BAZ2A: variants seen among roughly 807,000 people sequenced by gnomAD.
BAZ2A encodes bromodomain adjacent to zinc finger domain protein 2A.
Under a neutral mutation model 199.9 loss-of-function variants are expected in BAZ2A, and 34 were observed. The ratio of observed to expected loss-of-function variants is 0.17; its 90% CI spans 0.13 to 0.23. The LOEUF (loss-of-function observed/expected upper bound fraction) is 0.23, where lower values mean the gene tolerates loss of function less well. Ranked by LOEUF, BAZ2A falls within the 10% of genes least tolerant of loss-of-function variation. The pLI is 1.00. For missense variants in BAZ2A, 2,002 were observed against 2,391.1 expected (o/e 0.84, Z 3.39); for synonymous variants, 857 against 883.9 (o/e 0.97, Z 0.54).
At chr12:56,633,563 A>C (rs767953714), upstream of BAZ2A, among the ~76,000 whole-genome samples, 25 of 152,096 alleles carry the variant, frequency 1.6e-4, no homozygotes, top group Non-Finnish European at 3.7e-4. Flanking sequence ...TCATACTGTT[A>C]ACAGGATCTG....
intron 3 of BAZ2A, 106 bp from the exon 4 acceptor site, chr12:56,614,244 A>G (rs1441687141): frequency 1.7e-6 from 2 of 1,194,510 alleles, no homozygotes; most frequent in Non-Finnish European, 2.4e-6. Context: ...CATTCATTCA[A>G]CATTTATTGC....
chr12:56,630,334 AG>A, upstream of BAZ2A: 1 of 971,428 alleles, frequency 1.0e-6, no homozygotes. Flanking sequence ...AGTGAGTCGG[AG>A]CCGGAGGGGG....
intron 1 of BAZ2A, chr12:56,636,054 C>T (rs1592640654): frequency 1.7e-6 from 2 of 1,172,888 alleles, no homozygotes; most frequent in Non-Finnish European, 2.4e-6. Flanking sequence ...TGCCCCCCGT[C>T]CCCCAGAGTC....
intron 1 of BAZ2A, chr12:56,621,050 A>C: frequency 1.0e-6 from 1 of 985,082 alleles, no homozygotes; most frequent in Non-Finnish European, 1.2e-6. Flanking sequence ...GAAGTCCTGG[A>C]AATACTATGC....
At position 56,605,976 on chromosome 12, in the gene BAZ2A, T is replaced by C. The variant is rs373207516; in HGVS notation, c.2347A>G (p.Lys783Glu). 7 of 1,551,792 alleles carry C rather than the reference T, an allele frequency of 4.5e-6. No homozygotes were observed. In the African/African-American group the frequency reaches 9.7e-5, roughly 21 times the overall value. Residue 783 changes from lysine to glutamate, a missense_variant, in exon 13 of 29, where the codon AAG becomes GAG. Around this residue, in one of 6 missense-constraint regions of BAZ2A, gnomAD observed 1,081 missense variants for 1,274.7 expected, o/e 0.85. Coordinates refer to ENST00000549884, the MANE Select transcript of BAZ2A (RefSeq NM_001300905.2). ...GGCTTGGCTTTGGTCACCTCCTCCT[T>C]TTCCTTCATTTTTACCTTCTCCTTC... ...EKKEKVKMKE[K>E]EEVTKAKPAC...
intron 1 of BAZ2A, among the ~76,000 whole-genome samples, chr12:56,618,809 G>T (rs1168686200): frequency 1.3e-5 from 2 of 152,034 alleles, no homozygotes; most frequent in African/African-American, 2.4e-5. Context: ...GGCAGAGGTT[G>T]CAGTGAGCTG....
intron 11 of BAZ2A, 84 bp downstream of exon 11, chr12:56,606,549 G>C: frequency 7.3e-7 from 1 of 1,366,222 alleles, no homozygotes; most frequent in South Asian, 1.2e-5. Context: ...CACAGGGAGT[G>C]ACGGATGTGG....
intron 13 of BAZ2A, 93 bp downstream of exon 13, chr12:56,605,737 T>C (rs1470583426): frequency 1.1e-5 from 15 of 1,324,144 alleles, no homozygotes; most frequent in African/African-American, 7.5e-5. Flanking sequence ...TAATCTTTAA[T>C]GGAAATGTCT....
intron 3 of BAZ2A, 166 bp from the exon 4 acceptor site, chr12:56,614,304 A>AC: frequency 1.5e-6 from 1 of 655,130 alleles, no homozygotes; most frequent in South Asian, 2.3e-5. Context: ...CTGAGCAGAG[A>AC]TGTGCTGGTA....
At chr12:56,634,970 G>C, upstream of BAZ2A, 3 of 984,896 alleles carry the variant, frequency 3.0e-6, no homozygotes, top group Non-Finnish European at 3.6e-6. Context: ...GCCGCAGGCG[G>C]CGGCGGCGGC....
intron 10 of BAZ2A, among the ~76,000 whole-genome samples, chr12:56,609,168 G>A (rs1172266656): frequency 6.6e-6 from 1 of 152,012 alleles, no homozygotes; most frequent in Non-Finnish European, 1.5e-5. Context: ...GTGAGACACT[G>A]TGCCCGGCCT....
Position 56,606,010 on chromosome 12 carries a change from C to G in BAZ2A, c.2313G>C (p.Lys771Asn). ...TKQEKLKEKV[K>N]REKKEKVKMK... ...TTTTTACCTTCTCCTTCTTTTCCCT[C>G]TTGACTTTTTCCTTCAGTTTTTCCT... Residue 771 changes from lysine (K) to asparagine (N), a missense_variant, in exon 13 of 29, where the codon AAG (lysine) becomes AAC (asparagine). By Grantham distance (94) the Lys-to-Asn change is moderately conservative (BLOSUM62 0). Around this residue, in one of 6 missense-constraint regions of BAZ2A, gnomAD observed 1,081 missense variants for 1,274.7 expected, o/e 0.85. Transcript: ENST00000549884. 6.4e-7 allele frequency: 1 copy of G among 1,552,024 alleles called. No individual in the cohort carries two copies. The highest frequency in any genetic ancestry group is 1.4e-5 in the African/African-American group (1 of 73,122).
In BAZ2A at chr12:56,600,425, G is replaced by A; in HGVS notation, c.4668C>T (p.Asp1556=). The A allele has an allele frequency of 6.2e-7, 1 of 1,614,012 alleles. No homozygotes were observed. The highest frequency in any genetic ancestry group is 8.5e-7 in the Non-Finnish European group (1 of 1,179,904). The part of the protein sequence containing the change: ...EDLAYCEHLS[D]SQEDITWRGR... ...CTCGCCAGGTGATATCCTCCTGGGAGTCGGAGAGGTGCTCACAGTAGGCCA... is the reference window on the plus strand; with the variant it reads ...CTCGCCAGGTGATATCCTCCTGGGAATCGGAGAGGTGCTCACAGTAGGCCA... Residue 1556 remains aspartate (D), a synonymous_variant, in exon 24 of 29, where the codon GAC becomes GAT. Transcript: ENST00000549884.
At chr12:56,622,993 T>C (rs113531375) in intron 1 of BAZ2A, among the ~76,000 whole-genome samples, 1,784 of 151,806 alleles carry the variant, frequency 0.012, 39 homozygotes, top group African/African-American at 0.041. Context: ...TCCCAGCACT[T>C]TGGGAGGCCG....
rs2136662327 is a variant in BAZ2A at position 56,596,917 on chromosome 12, T to C, written c.*1701A>G. 6.6e-6 allele frequency: 1 copy of C among 152,630 alleles called. No homozygotes were observed. The highest frequency in any genetic ancestry group is 1.9e-4 in the East Asian group (1 of 5,148). The allele number at this position is 152,630 out of a possible 1,614,324, so 9.5% of individuals were successfully genotyped here. On this transcript the variant is annotated 3_prime_UTR_variant, in exon 29 of 29. Transcript: ENST00000549884. ...CTGCCCCTACCCCCTTCAGTGGCTC[T>C]TCAGTGCTGCCAGAATACAAGGAAT...
At chr12:56,625,054 A>G (rs1951037037) in intron 1 of BAZ2A, among the ~76,000 whole-genome samples, 1 of 152,054 alleles carries the variant, frequency 6.6e-6, no homozygotes, top group African/African-American at 2.4e-5. Flanking sequence ...CTCTCAGAAG[A>G]CCAGGAATGC....
Position 56,614,151 on chromosome 12 carries a change from AG to A in BAZ2A, c.731-14del. On this transcript the variant is annotated splice_polypyrimidine_tract_variant and intron_variant, in intron 3 of 28. Transcript: ENST00000549884. ...CACATCTTCAGTTCTAGGAAATCAC[AG>A]GAGAGACCAAAAGTCAAAATCAGTG... 1.2e-6 allele frequency: 2 copies of A among 1,609,678 alleles called. No homozygotes were observed. Among genetic ancestry groups the A allele is most frequent in the Non-Finnish European group, 1.7e-6 (2 of 1,176,436 alleles).
chr12:56,605,381 A>C, intron 13 of BAZ2A, 54 bp from the exon 14 acceptor site: 1 of 1,496,284 alleles, frequency 6.7e-7, no homozygotes, highest in South Asian at 1.3e-5. Flanking sequence ...GAAGATGACA[A>C]TTTGCATGTC....
At chr12:56,621,575 A>C (rs1950922148) in intron 1 of BAZ2A, among the ~76,000 whole-genome samples, 1 of 152,258 alleles carries the variant, frequency 6.6e-6, no homozygotes, top group Non-Finnish European at 1.5e-5. Context: ...AAGTTTCATC[A>C]TCTGTAACAA....
Sources: allele counts gnomAD v4.1 joint callset (sites outside exome capture counted in the v4.1 genomes callset), GRCh38; gene constraint gnomAD v4.1.1; regional missense constraint gnomAD v4.1.1; transcripts MANE v1.5; gene names NCBI Gene and HGNC (gene_info 2026-07-23, HGNC 2026-07-21).